CDH12: variants seen among roughly 807,000 people sequenced by gnomAD.
CDH12 encodes the protein cadherin-12.
In CDH12, 41 loss-of-function variants were observed where a neutral mutation model predicts 74.1. The observed-to-expected ratio is 0.55, with a 90% CI of 0.43 to 0.72. The LOEUF is 0.72. Ranked by LOEUF, CDH12 falls within the 30% of genes least tolerant of loss-of-function variation. CDH12 has a pLI of 0.00. For missense variants in CDH12, 945 were observed against 977.2 expected (o/e 0.97, Z 0.44); for synonymous variants, 399 against 355.0 (o/e 1.12, Z -1.39).
At chr5:21,844,802 A>G (rs1750067794) in intron 7 of CDH12, among the ~76,000 whole-genome samples, 1 of 152,172 alleles carries the variant, frequency 6.6e-6, no homozygotes, top group Non-Finnish European at 1.5e-5. Flanking sequence ...TGTCCAGATA[A>G]ATAGACAGAT....
chr5:21,927,343 T>C (rs1407546128), intron 6 of CDH12, among the ~76,000 whole-genome samples: 1 of 152,122 alleles, frequency 6.6e-6, no homozygotes, highest in South Asian at 2.1e-4. Flanking sequence ...CCTAACACTT[T>C]GGGAGGCCCA....
intron 3 of CDH12, among the ~76,000 whole-genome samples, chr5:22,368,030 T>C (rs1048763466): frequency 6.6e-6 from 1 of 152,158 alleles, no homozygotes; most frequent in Non-Finnish European, 1.5e-5. Context: ...ATACCACTAC[T>C]ACATGAATAA....
At chr5:21,857,069 C>T (rs535617237) in intron 6 of CDH12, among the ~76,000 whole-genome samples, 13 of 151,772 alleles carry the variant, frequency 8.6e-5, no homozygotes, top group Non-Finnish European at 1.6e-4. Context: ...ATTTCATACT[C>T]TTTCCATTAA....
intron 3 of CDH12, among the ~76,000 whole-genome samples, chr5:22,394,042 A>G (rs1306736185): frequency 1.3e-5 from 2 of 152,176 alleles, no homozygotes; most frequent in Non-Finnish European, 2.9e-5. Flanking sequence ...AGCAACCAGC[A>G]TTTGATGACT....
intron 1 of CDH12, among the ~76,000 whole-genome samples, chr5:22,792,061 G>A (rs1294912999): frequency 6.7e-6 from 1 of 149,360 alleles, no homozygotes; most frequent in African/African-American, 2.5e-5. Context: ...GCACTTTTTT[G>A]CAGAAAGGAT....
chr5:22,195,193 G>A (rs1580385892), intron 4 of CDH12, among the ~76,000 whole-genome samples: 1 of 152,326 alleles, frequency 6.6e-6, no homozygotes, highest in African/African-American at 2.4e-5. Flanking sequence ...ACAGGGCAAT[G>A]TCAGTGAAAT....
At chr5:22,072,152 G>A (rs1415331928) in intron 5 of CDH12, among the ~76,000 whole-genome samples, 1 of 151,802 alleles carries the variant, frequency 6.6e-6, no homozygotes, top group South Asian at 2.1e-4. Flanking sequence ...CTGTCTGATC[G>A]GTCATTCTAG....
At chr5:22,328,956 C>T (rs2920748) in intron 3 of CDH12, among the ~76,000 whole-genome samples, 90,413 of 152,004 alleles carry the variant, frequency 0.59, 27,798 homozygotes, top group South Asian at 0.76. Context: ...TTAAATTCCA[C>T]AGCAGGATGG....
At chr5:21,895,019 A>G (rs934268988) in intron 6 of CDH12, among the ~76,000 whole-genome samples, 1 of 105,628 alleles carries the variant, frequency 9.5e-6, no homozygotes, top group Non-Finnish European at 2.0e-5. Flanking sequence ...AATAAATTGA[A>G]AAAAAAAAAA....
At chr5:22,703,813 G>A (rs539559785) in intron 1 of CDH12, among the ~76,000 whole-genome samples, 104 of 152,198 alleles carry the variant, frequency 6.8e-4, no homozygotes, top group Admixed American at 1.0e-3. Flanking sequence ...AAGAAATGTT[G>A]GAGCTGGTTT....
intron 1 of CDH12, among the ~76,000 whole-genome samples, chr5:22,850,514 T>C (rs549148368): frequency 5.9e-5 from 9 of 152,220 alleles, no homozygotes; most frequent in Non-Finnish European, 7.4e-5. Flanking sequence ...AAATGCAATA[T>C]TTGTTAAACA....
intron 4 of CDH12, among the ~76,000 whole-genome samples, chr5:22,171,998 T>G (rs1227113465): frequency 6.6e-6 from 1 of 151,926 alleles, no homozygotes; most frequent in East Asian, 1.9e-4. Flanking sequence ...GTGTCATCAC[T>G]TCCTATTAAT....
At chr5:21,908,696 G>T (rs369446033) in intron 6 of CDH12, among the ~76,000 whole-genome samples, 4 of 152,248 alleles carry the variant, frequency 2.6e-5, no homozygotes, top group Admixed American at 6.5e-5. Context: ...AGGAGAAGTT[G>T]CAATGTCACA....
chr5:21,938,015 C>G (rs1755151561), intron 6 of CDH12, among the ~76,000 whole-genome samples: 1 of 152,176 alleles, frequency 6.6e-6, no homozygotes, highest in Non-Finnish European at 1.5e-5. Flanking sequence ...GTTCAGGGTT[C>G]CTTTGATAGA....
chr5:21,869,799 T>C (rs201660074), intron 6 of CDH12, among the ~76,000 whole-genome samples: 1 of 152,210 alleles, frequency 6.6e-6, no homozygotes, highest in Admixed American at 6.5e-5. Context: ...GAAATGCATA[T>C]GGGTGCCAAG....
chr5:22,672,952 C>T (rs538938181), intron 1 of CDH12, among the ~76,000 whole-genome samples: 1 of 152,098 alleles, frequency 6.6e-6, no homozygotes. Flanking sequence ...TGAGCGCTGC[C>T]TAAACTCCTT....
chr5:21,796,328 G>A (rs1746777664), intron 10 of CDH12, among the ~76,000 whole-genome samples: 1 of 151,928 alleles, frequency 6.6e-6, no homozygotes, highest in Non-Finnish European at 1.5e-5. Flanking sequence ...CGCAAAGCCT[G>A]TCTTATAATA....
At chr5:22,287,167 A>G (rs1394841258) in intron 3 of CDH12, among the ~76,000 whole-genome samples, 1 of 152,200 alleles carries the variant, frequency 6.6e-6, no homozygotes, top group Non-Finnish European at 1.5e-5. Flanking sequence ...TACATAAGAC[A>G]CAACAAACTT....
At chr5:22,363,157 T>C (rs1179026448) in intron 3 of CDH12, among the ~76,000 whole-genome samples, 9 of 152,098 alleles carry the variant, frequency 5.9e-5, no homozygotes, top group Admixed American at 5.9e-4. Flanking sequence ...ATAAAAAATT[T>C]GGAGATTGTA....
Sources: allele counts gnomAD v4.1 joint callset (sites outside exome capture counted in the v4.1 genomes callset), GRCh38; gene constraint gnomAD v4.1.1; transcripts MANE v1.5; gene names NCBI Gene and HGNC (gene_info 2026-07-23, HGNC 2026-07-21).